The following PRAMEF12 variants were observed in gnomAD, a reference collection of about 807,000 sequenced individuals.
PRAMEF12 encodes the protein PRAME family member 12.
A neutral mutation model predicts 24.6 loss-of-function variants in PRAMEF12; 24 were observed. That is an observed-to-expected ratio of 0.98 (90% CI 0.71 to 1.37). The LOEUF (loss-of-function observed/expected upper bound fraction) is 1.37. Among genes scored for constraint, PRAMEF12 ranks in the 40% most tolerant of loss-of-function variants. PRAMEF12 has a pLI of 0.00. For missense variants in PRAMEF12, 646 were observed against 580.3 expected (o/e 1.11, Z -1.16); for synonymous variants, 286 against 242.6 (o/e 1.18, Z -1.66).
In PRAMEF12 at chr1:12,775,747, C is replaced by T; in HGVS notation, c.492C>T (p.His164=). ...GGACGCTGGATGAATGCCTCACCCA[C>T]TTCTTAGAGTGGGGCAAGCAGAGAA... The part of the protein sequence containing the change: ...KNGTLDECLT[H]FLEWGKQRKG... The change falls in exon 2 of 3, where the codon CAC becomes CAT. Residue 164 remains histidine (H), a synonymous_variant. Transcript: ENST00000357726. 1 of 1,613,744 alleles carries T rather than the reference C, an allele frequency of 6.2e-7. No homozygotes were observed. The highest frequency in any genetic ancestry group is 2.2e-5 in the East Asian group (1 of 44,794).
chr1:12,776,667 C>T (rs765661672), intron 2 of PRAMEF12, among the ~76,000 whole-genome samples: 2 of 152,098 alleles, frequency 1.3e-5, no homozygotes. Context: ...ATGTCAGGGT[C>T]TCCTGCAGCC....
chr1:12,777,411 G>T lies in PRAMEF12; in HGVS notation c.1264G>T (p.Gly422Cys), dbSNP rs986744514. The change falls in exon 3 of 3, where the codon GGT becomes TGT. Residue 422 changes from glycine to cysteine, a missense_variant. Coordinates refer to ENST00000357726, the MANE Select transcript of PRAMEF12 (RefSeq NM_001080830.5). ...PAPLESYDAQ[G>C]ALCWGRFSQL... ...CCCTCTGGAGAGTTATGATGCCCAG[G>T]GTGCTCTCTGCTGGGGAAGATTTTC... The T allele has an allele frequency of 6.2e-7, 1 of 1,613,880 alleles. No homozygotes were observed. Among genetic ancestry groups the T allele is most frequent in the African/African-American group, 1.3e-5 (1 of 74,980 alleles).
In PRAMEF12 at chr1:12,777,285, A is replaced by G; in HGVS notation, c.1138A>G (p.Thr380Ala). ...CCTGAGCCGCTGCTCCCAGCTCAGC[A>G]CCTTCAGCTTCTGTGGGAACCTCAT... ...PALSRCSQLS[T>A]FSFCGNLISM... Residue 380 changes from threonine (T) to alanine (A), a missense_variant, in exon 3 of 3, where the codon ACC becomes GCC. Physicochemically the swap from Thr to Ala is moderately conservative, Grantham distance 58. Transcript: ENST00000357726. The G allele has an allele frequency of 6.2e-7, 1 of 1,612,502 alleles. No individual in the cohort carries two copies. The highest frequency in any genetic ancestry group is 8.5e-7 in the Non-Finnish European group (1 of 1,179,868).
chr1:12,775,851 CG>C lies in PRAMEF12; in HGVS notation c.598del (p.Val200TrpfsTer3). ...AIHRIIEVLN[T>X]VELDCIQEVE... ...CACAGGATCATAGAGGTCCTGAACA[CG>C]GTGGAGCTAGACTGTATCCAGGAGG... On this transcript the variant is annotated frameshift_variant, in exon 2 of 3. Coordinates refer to ENST00000357726, the MANE Select transcript of PRAMEF12 (RefSeq NM_001080830.5). LOFTEE classifies it high-confidence loss of function. The C allele has an allele frequency of 6.2e-7, 1 of 1,614,052 alleles. No homozygotes were observed. The highest frequency in any genetic ancestry group is 8.5e-7 in the Non-Finnish European group (1 of 1,180,008).
At position 12,775,855 on chromosome 1, in the gene PRAMEF12, G is replaced by A. The variant is rs1639043250; in HGVS notation, c.600G>A (p.Val200=). ...GGATCATAGAGGTCCTGAACACGGT[G>A]GAGCTAGACTGTATCCAGGAGGTGG... The part of the protein sequence containing the change: ...IHRIIEVLNT[V]ELDCIQEVEV... The change falls in exon 2 of 3, where the codon GTG becomes GTA. Residue 200 remains valine (V), a synonymous_variant. Transcript: ENST00000357726. The A allele has an allele frequency of 6.2e-7, 1 of 1,614,012 alleles. No homozygotes were observed. Among genetic ancestry groups the A allele is most frequent in the African/African-American group, 1.3e-5 (1 of 74,908 alleles).
intron 2 of PRAMEF12, 139 bp from the exon 3 acceptor site, chr1:12,776,872 G>A: frequency 1.1e-6 from 1 of 901,196 alleles, no homozygotes; most frequent in Non-Finnish European, 1.7e-6. Flanking sequence ...TGCCCTGAAT[G>A]AGCAGAGTCT....
At chr1:12,776,521 C>A (rs917063526) in intron 2 of PRAMEF12, among the ~76,000 whole-genome samples, 10 of 152,144 alleles carry the variant, frequency 6.6e-5, no homozygotes, top group Non-Finnish European at 1.5e-5. Flanking sequence ...TCCTCACCTG[C>A]CTAGTGAACA....
chr1:12,775,425 A>T lies in PRAMEF12; in HGVS notation c.288-118A>T, dbSNP rs1422469859. ...AGGCAGGTTTCAAGGAGAAAGAGGG[A>T]TGGAGAAAAGACAGAGAGTGGGAGA... On this transcript the variant is annotated intron_variant, in intron 1 of 2. Transcript: ENST00000357726. 4 of 1,097,018 alleles carry T rather than the reference A, an allele frequency of 3.6e-6. No homozygotes were observed. The Admixed American group carries it at 9.0e-5, about 25-fold the overall frequency. The allele number at this position is 1,097,018 out of a possible 1,614,324, so 68.0% of individuals were successfully genotyped here. A position where few individuals can be genotyped will look rare whatever the true frequency, so the allele number is the denominator to read the frequency against.
At position 12,775,612 on chromosome 1, in the gene PRAMEF12, T is replaced by A. The variant is rs200482452; in HGVS notation, c.357T>A (p.Ala119=). 6.2e-6 allele frequency: 10 copies of A among 1,613,892 alleles called. No individual in the cohort carries two copies. The highest frequency in any genetic ancestry group is 8.5e-6 in the Non-Finnish European group (10 of 1,180,010). ...ACTTCTGGGGCATATGGTCTGGAGC[T>A]TCTGCACTCTCCCCAGAGGCCCTGA... is the stretch of plus-strand genomic sequence containing the variant. ...DENFWGIWSG[A]SALSPEALSK... is the part of the protein sequence containing the mutation. Residue 119 remains alanine, a synonymous_variant, in exon 2 of 3, where the codon GCT becomes GCA. Transcript: ENST00000357726.
rs536167906 is a variant in PRAMEF12 at position 12,775,726 on chromosome 1, G to A, written c.471G>A (p.Thr157=). ...TAGACCTTTGCTTCAAGAATGGGAC[G>A]CTGGATGAATGCCTCACCCACTTCT... The part of the protein sequence containing the change: ...VILDLCFKNG[T]LDECLTHFLE... Residue 157 remains threonine (T), a synonymous_variant, in exon 2 of 3, where the codon ACG becomes ACA. Coordinates refer to ENST00000357726, the MANE Select transcript of PRAMEF12 (RefSeq NM_001080830.5). The A allele has an allele frequency of 6.2e-6, 10 of 1,613,796 alleles. No homozygotes were observed. The highest frequency in any genetic ancestry group is 4.0e-5 in the African/African-American group (3 of 74,886).
rs192475400 is a variant in PRAMEF12, at chr1:12,773,942, A to G, written c.-926A>G. ...TGTCTGTTTTCAGAAGAACAAATTTAGGCTTTGATTTTTCCTCTAAATGTA... is the reference window on the plus strand; with the variant it reads ...TGTCTGTTTTCAGAAGAACAAATTTGGGCTTTGATTTTTCCTCTAAATGTA... On this transcript the variant is annotated 5_prime_UTR_variant, in exon 1 of 3. It removes the in-frame stop codon of an upstream open reading frame in the 5' UTR. Transcript: ENST00000357726. Among the ~76,000 whole-genome samples the G allele has an allele frequency of 3.9e-5, 6 of 152,306 alleles. No homozygotes were observed. Among genetic ancestry groups the G allele is most frequent in the Admixed American group, 2.0e-4 (3 of 15,306 alleles).
chr1:12,775,164 C>A lies in PRAMEF12; in HGVS notation c.287+10C>A, dbSNP rs780385217. The A allele has an allele frequency of 8.7e-5, 140 of 1,600,122 alleles. No homozygotes were observed. The highest frequency in any genetic ancestry group is 1.2e-4 in the Non-Finnish European group (136 of 1,172,816). ...AGAAGGTTCGCCCCAGGTGAGGTGA[C>A]CCAGCTAACCAGGTGGGGAGGGCTC... is the stretch of plus-strand genomic sequence containing the variant. On this transcript the variant is annotated intron_variant, in intron 1 of 2. Coordinates refer to ENST00000357726, the MANE Select transcript of PRAMEF12 (RefSeq NM_001080830.5).
At position 12,775,813 on chromosome 1, in the gene PRAMEF12, T is replaced by C. The variant is rs940422328; in HGVS notation, c.558T>C (p.Phe186=). 2 of 1,613,964 alleles carry C rather than the reference T, an allele frequency of 1.2e-6. No individual in the cohort carries two copies. The highest frequency in any genetic ancestry group is 1.7e-6 in the Non-Finnish European group (2 of 1,179,982). The change falls in exon 2 of 3, where the codon TTT becomes TTC. Residue 186 remains phenylalanine, a synonymous_variant. Transcript: ENST00000357726. ...TGTGTTGCAAGGAGCTGCAGATTTT[T>C]GGAATAGCCATCCACAGGATCATAG... ...LHVCCKELQI[F]GIAIHRIIEV...
In PRAMEF12 at chr1:12,775,676, G is replaced by A. The variant is rs1200321336; in HGVS notation, c.421G>A (p.Gly141Arg). ...RTAGNCPRPG[G>R]QQPLMVILDL... ...AGCAGGGAACTGTCCAAGGCCGGGT[G>A]GGCAGCAGCCCTTGATGGTGATCCT... Residue 141 changes from glycine to arginine, a missense_variant, in exon 2 of 3, where the codon GGG (glycine) becomes AGG (arginine). Gly to Arg is a moderately radical substitution (Grantham distance 125). Coordinates refer to ENST00000357726, the MANE Select transcript of PRAMEF12 (RefSeq NM_001080830.5). 2 of 1,613,818 alleles carry A rather than the reference G, an allele frequency of 1.2e-6. No individual in the cohort carries two copies. The highest frequency in any genetic ancestry group is 1.3e-5 in the African/African-American group (1 of 74,832).
Position 12,777,427 on chromosome 1 carries a change from G to A in PRAMEF12, c.1280G>A (p.Gly427Glu), listed in dbSNP as rs201212047. 6.1e-3 allele frequency: 9,323 copies of A among 1,525,042 alleles called. No individual in the cohort carries two copies. Among genetic ancestry groups the A allele is most frequent in the East Asian group, 0.024 (970 of 40,574 alleles). The allele number at this position is 1,525,042 out of a possible 1,614,324, so 94.5% of individuals were successfully genotyped here. The change falls in exon 3 of 3, where the codon GGA becomes GAA. Residue 427 changes from glycine to glutamate, a missense_variant. Gly to Glu is a moderately conservative substitution (Grantham distance 98). Transcript: ENST00000357726. ...GATGCCCAGGGTGCTCTCTGCTGGG[G>A]AAGATTTTCTCAACTTGGGGCTGAG... ...SYDAQGALCW[G>E]RFSQLGAELM...
rs367677322 is a variant in PRAMEF12, at chr1:12,775,672, G to A, written c.417G>A (p.Pro139=). Residue 139 remains proline, a synonymous_variant, in exon 2 of 3, where the codon CCG becomes CCA. Transcript: ENST00000357726. ...GAACAGCAGGGAACTGTCCAAGGCC[G>A]GGTGGGCAGCAGCCCTTGATGGTGA... is the stretch of plus-strand genomic sequence containing the variant. ...KRRTAGNCPR[P]GGQQPLMVIL... is the part of the protein sequence containing the mutation. The A allele has an allele frequency of 4.9e-5, 79 of 1,613,952 alleles. No individual in the cohort carries two copies. The highest frequency in any genetic ancestry group is 3.3e-4 in the South Asian group (30 of 91,064).
Position 12,775,856 on chromosome 1 carries a change from G to C in PRAMEF12, c.601G>C (p.Glu201Gln). The C allele has an allele frequency of 1.2e-6, 2 of 1,614,050 alleles. No homozygotes were observed. The highest frequency in any genetic ancestry group is 8.5e-7 in the Non-Finnish European group (1 of 1,179,996). ...HRIIEVLNTV[E>Q]LDCIQEVEVC... ...GATCATAGAGGTCCTGAACACGGTG[G>C]AGCTAGACTGTATCCAGGAGGTGGA... is the stretch of plus-strand genomic sequence containing the variant. Residue 201 changes from glutamate (E) to glutamine (Q), a missense_variant, in exon 2 of 3, where the codon GAG (glutamate) becomes CAG (glutamine). Coordinates refer to ENST00000357726, the MANE Select transcript of PRAMEF12 (RefSeq NM_001080830.5).
Position 12,777,776 on chromosome 1 carries a change from G to T in PRAMEF12, c.*177G>T, listed in dbSNP as rs1569705547. On this transcript the variant is annotated 3_prime_UTR_variant, in exon 3 of 3. Transcript: ENST00000357726. The stretch of plus-strand genomic sequence containing the variant: ...GTCAATAGGAGCTTTAGAGACCTGT[G>T]TCCCAGAGAATCAGAAATGGGAATC... The T allele has an allele frequency of 7.3e-6, 5 of 683,010 alleles. No individual in the cohort carries two copies. Among genetic ancestry groups the T allele is most frequent in the East Asian group, 2.7e-5 (1 of 36,636 alleles). The allele number at this position is 683,010 out of a possible 1,614,324, so 42.3% of individuals were successfully genotyped here. A position where few individuals can be genotyped will look rare whatever the true frequency, so the allele number is the denominator to read the frequency against.
intron 1 of PRAMEF12, 77 bp downstream of exon 1, chr1:12,775,231 G>A: frequency 6.7e-7 from 1 of 1,483,046 alleles, no homozygotes. Flanking sequence ...AGGAGTGGGA[G>A]GCCCAAGGGT....
Sources: allele counts gnomAD v4.1 joint callset (sites outside exome capture counted in the v4.1 genomes callset), GRCh38; gene constraint gnomAD v4.1.1; transcripts MANE v1.5; gene names NCBI Gene and HGNC (gene_info 2026-07-23, HGNC 2026-07-21).